Variants in PGM5 observed in about 807,000 individuals in gnomAD.
The protein encoded by PGM5 is phosphoglucomutase 5.
PGM5 carries 23 observed loss-of-function variants against 59.2 expected under a neutral mutation model. The observed-to-expected ratio is 0.39, with a 90% CI of 0.28 to 0.55. PGM5 has a LOEUF of 0.55. Ranked by LOEUF, PGM5 falls within the 20% of genes least tolerant of loss-of-function variation. PGM5 has a pLI of 0.66. For synonymous variants in PGM5, 214 were observed against 286.0 expected (o/e 0.75, Z 2.54); for missense variants, 574 against 748.3 (o/e 0.77, Z 2.72).
At position 68,488,677 on chromosome 9, in the gene PGM5, A is replaced by G. The variant is rs551303752; in HGVS notation, c.1479+4629A>G. Among the ~76,000 whole-genome samples the G allele has an allele frequency of 3.4e-4, 51 of 152,228 alleles. 1 individual carries two copies. Among genetic ancestry groups the G allele is most frequent in the Non-Finnish European group, 5.3e-4 (36 of 68,020 alleles). ...ACCTCGGATGCCAAGAGAAAAATTG[A>G]TGTGTGCTTTCCACTATACAGGGCC... On this transcript the variant is annotated intron_variant, in intron 9 of 10. Coordinates refer to ENST00000396396, the MANE Select transcript of PGM5 (RefSeq NM_021965.4).
At chr9:68,443,884 G>C (rs1459916948) in intron 6 of PGM5, among the ~76,000 whole-genome samples, 1 of 152,198 alleles carries the variant, frequency 6.6e-6, no homozygotes, top group Non-Finnish European at 1.5e-5. Flanking sequence ...TGCAGATGTA[G>C]TGTACATCAG....
At chr9:68,420,706 G>A (rs1554682285) in intron 6 of PGM5, among the ~76,000 whole-genome samples, 1 of 152,158 alleles carries the variant, frequency 6.6e-6, no homozygotes, top group Non-Finnish European at 1.5e-5. Context: ...GCACACCCAT[G>A]ACCTTCAGAT....
rs1225103891 is a variant in PGM5 at position 68,479,312 on chromosome 9, A to G, written c.1160-106A>G. The G allele has an allele frequency of 4.9e-6, 5 of 1,030,108 alleles. No individual in the cohort carries two copies. In the Admixed American group the frequency reaches 7.4e-5, roughly 15 times the overall value. The allele number at this position is 1,030,108 out of a possible 1,614,324, so 63.8% of individuals were successfully genotyped here. A position where few individuals can be genotyped will look rare whatever the true frequency, so the allele number is the denominator to read the frequency against. On this transcript the variant is annotated intron_variant, in intron 7 of 10. Transcript: ENST00000396396. ...TTTAATATAATGGGTAAATGATCCA[A>G]TCATTTCTACATAACATTCAATCAC...
intron 6 of PGM5, among the ~76,000 whole-genome samples, chr9:68,410,338 A>C (rs1426706052): frequency 6.6e-6 from 1 of 152,174 alleles, no homozygotes; most frequent in African/African-American, 2.4e-5. Context: ...GGGTTGTCTT[A>C]TTAAGATAGA....
chr9:68,426,191 G>T (rs538125075), intron 6 of PGM5, among the ~76,000 whole-genome samples: 1 of 151,172 alleles, frequency 6.6e-6, no homozygotes, highest in Non-Finnish European at 1.5e-5. Flanking sequence ...TGTCTTTCTT[G>T]TGTTTAAATT....
intron 10 of PGM5, among the ~76,000 whole-genome samples, chr9:68,514,631 A>C (rs1824798999): frequency 6.6e-6 from 1 of 152,042 alleles, no homozygotes; most frequent in East Asian, 1.9e-4. Context: ...AAACAACAAC[A>C]ACAACAAAAC....
At chr9:68,507,363 GAAAT>G (rs1198477720) in intron 10 of PGM5, among the ~76,000 whole-genome samples, 1 of 152,152 alleles carries the variant, frequency 6.6e-6, no homozygotes, top group Non-Finnish European at 1.5e-5. Flanking sequence ...GTAATTTGAG[GAAAT>G]AAACTCAAGC....
intron 6 of PGM5, among the ~76,000 whole-genome samples, chr9:68,407,063 A>G (rs1227972837): frequency 6.6e-6 from 1 of 151,818 alleles, no homozygotes; most frequent in Non-Finnish European, 1.5e-5. Flanking sequence ...AATTATTGTT[A>G]ATTTTCTTTA....
intron 6 of PGM5, among the ~76,000 whole-genome samples, chr9:68,432,108 C>A (rs1373470093): frequency 6.6e-6 from 1 of 152,120 alleles, no homozygotes. Context: ...TACAGAATCA[C>A]TATTAACAGT....
At chr9:68,357,557 C>G (rs1322797524) in intron 1 of PGM5, among the ~76,000 whole-genome samples, 169 bp downstream of exon 1, 8 of 152,210 alleles carry the variant, frequency 5.3e-5, no homozygotes, top group Non-Finnish European at 4.4e-5. Flanking sequence ...GCCGCGCTCG[C>G]AGCCTCCCCG....
In PGM5 at chr9:68,429,049, A is replaced by C. The variant is rs373158216; in HGVS notation, c.1044-36044A>C. 4 of 152,214 alleles carry C rather than the reference A, an allele frequency of 2.6e-5. No individual in the cohort carries two copies. In the East Asian group the frequency reaches 7.7e-4, roughly 29 times the overall value. The allele number at this position is 152,214 out of a possible 1,614,324, so 9.4% of individuals were successfully genotyped here. On this transcript the variant is annotated intron_variant, in intron 6 of 10. Coordinates refer to ENST00000396396, the MANE Select transcript of PGM5 (RefSeq NM_021965.4). ...GAAGATGCAAATGATCTTGGTTTGGAGTCTTCTAGTGGTCTACAGTATATG... is the reference window on the plus strand; with the variant it reads ...GAAGATGCAAATGATCTTGGTTTGGCGTCTTCTAGTGGTCTACAGTATATG...
chr9:68,411,832 T>C (rs1310066329), intron 6 of PGM5, among the ~76,000 whole-genome samples: 1 of 151,952 alleles, frequency 6.6e-6, no homozygotes, highest in Non-Finnish European at 1.5e-5. Context: ...GTGGCTGTAA[T>C]AAAGCTTTCT....
chr9:68,365,891 T>C (rs2131976913), intron 1 of PGM5, among the ~76,000 whole-genome samples: 1 of 152,298 alleles, frequency 6.6e-6, no homozygotes, highest in Admixed American at 6.5e-5. Flanking sequence ...ATATTTAATA[T>C]CTATGACATG....
chr9:68,454,012 CTT>C (rs879997444), intron 6 of PGM5, among the ~76,000 whole-genome samples: 2 of 152,204 alleles, frequency 1.3e-5, no homozygotes, highest in South Asian at 2.1e-4. Context: ...CACTCCATCT[CTT>C]TCTCTCTGCT....
intron 4 of PGM5, among the ~76,000 whole-genome samples, chr9:68,389,534 T>C (rs1344810096): frequency 1.3e-5 from 2 of 152,130 alleles, no homozygotes; most frequent in African/African-American, 4.8e-5. Flanking sequence ...TCACTCAGCA[T>C]AATAATTTCG....
At chr9:68,434,572 C>T (rs1391782148) in intron 6 of PGM5, among the ~76,000 whole-genome samples, 1 of 151,064 alleles carries the variant, frequency 6.6e-6, no homozygotes, top group East Asian at 2.0e-4. Context: ...TTTGGGAGGC[C>T]GAGGCAAGTG....
intron 6 of PGM5, among the ~76,000 whole-genome samples, chr9:68,421,977 A>T (rs1368496822): frequency 6.6e-6 from 1 of 152,088 alleles, no homozygotes; most frequent in East Asian, 1.9e-4. Flanking sequence ...AAAAGCAAAA[A>T]TCAAGGTAAT....
rs186316100 is a variant in PGM5, at chr9:68,443,296, A to G, written c.1044-21797A>G. 3.9e-3 allele frequency among the ~76,000 whole-genome samples: 595 copies of G among 152,348 alleles called. 7 individuals are homozygous for G. Among genetic ancestry groups the G allele is most frequent in the Non-Finnish European group, 3.1e-3 (209 of 68,026 alleles). Reference sequence around the variant, plus strand: ...TCACATACTGTATCATCCCATTTGTATTATGCTCAAAAAGACAAAATTATG... The same window carrying G: ...TCACATACTGTATCATCCCATTTGTGTTATGCTCAAAAAGACAAAATTATG... On this transcript the variant is annotated intron_variant, in intron 6 of 10. Transcript: ENST00000396396.
At chr9:68,426,452 A>G (rs1282366451) in intron 6 of PGM5, among the ~76,000 whole-genome samples, 1 of 152,090 alleles carries the variant, frequency 6.6e-6, no homozygotes, top group Non-Finnish European at 1.5e-5. Flanking sequence ...CCCTATACAC[A>G]TTTGTGTTCC....
Sources: allele counts gnomAD v4.1 joint callset (sites outside exome capture counted in the v4.1 genomes callset), GRCh38; gene constraint gnomAD v4.1.1; transcripts MANE v1.5; gene names NCBI Gene and HGNC (gene_info 2026-07-23, HGNC 2026-07-21).